ZNF410: variants seen among roughly 807,000 people sequenced by gnomAD.
ZNF410 encodes the protein zinc finger protein 410.
A neutral mutation model predicts 54.8 loss-of-function variants in ZNF410; 18 were observed. The observed-to-expected ratio is 0.33, with a 90% CI of 0.23 to 0.49. ZNF410 has a LOEUF of 0.49. Ranked by LOEUF, ZNF410 falls within the 20% of genes least tolerant of loss-of-function variation. ZNF410 has a pLI of 0.99. For missense variants in ZNF410, 405 were observed against 569.6 expected (o/e 0.71, Z 2.94); for synonymous variants, 191 against 207.3 (o/e 0.92, Z 0.68).
intron 7 of ZNF410, 143 bp from the exon 8 acceptor site, chr14:73,909,194 CTAGG>C: frequency 3.1e-6 from 2 of 650,704 alleles, no homozygotes; most frequent in Non-Finnish European, 5.2e-6. Context: ...GCAACACTTG[CTAGG>C]TAGCCCAGTT....
chr14:73,892,303 G>T, intron 2 of ZNF410, 95 bp downstream of exon 2: 2 of 1,181,860 alleles, frequency 1.7e-6, no homozygotes, highest in South Asian at 1.4e-5. Context: ...TCTTTAATGG[G>T]CCAGATAATA....
At chr14:73,917,560 T>G (rs1164600108) in intron 8 of ZNF410, among the ~76,000 whole-genome samples, 1 of 152,194 alleles carries the variant, frequency 6.6e-6, no homozygotes, top group African/African-American at 2.4e-5. Flanking sequence ...TGGTGACTCA[T>G]GCCTGTAATC....
intron 2 of ZNF410, chr14:73,893,398 A>G (rs1324993187): frequency 6.3e-6 from 1 of 159,492 alleles, no homozygotes; most frequent in Non-Finnish European, 1.4e-5. Context: ...TCTAGGCTGT[A>G]TGGTATACCT....
rs781762161 is a variant in ZNF410, at chr14:73,904,122, C to T, written c.731+12C>T. 2.7e-5 allele frequency: 43 copies of T among 1,610,394 alleles called. No homozygotes were observed. The highest frequency in any genetic ancestry group is 1.1e-4 in the African/African-American group (8 of 74,810). On this transcript the variant is annotated intron_variant, in intron 6 of 11. Coordinates refer to ENST00000555044, the MANE Select transcript of ZNF410 (RefSeq NM_021188.3). ...CTCAAGACTCATCGGTGAGCAAATC[C>T]GAGATCTCATATTTGGATATACGTT...
At chr14:73,906,668 C>T (rs537416427) in intron 7 of ZNF410, among the ~76,000 whole-genome samples, 2 of 151,432 alleles carry the variant, frequency 1.3e-5, no homozygotes, top group Admixed American at 6.6e-5. Flanking sequence ...TTGTAGAGAC[C>T]GGGTTTTGCC....
intron 5 of ZNF410, among the ~76,000 whole-genome samples, chr14:73,900,335 A>T (rs1222292963): frequency 6.6e-6 from 1 of 151,456 alleles, no homozygotes; most frequent in African/African-American, 2.4e-5. Context: ...ATAGGTTGCT[A>T]TTTGGAAGCT....
chr14:73,931,394 AC>A, intron 11 of ZNF410, 108 bp from the exon 12 acceptor site: 1 of 894,644 alleles, frequency 1.1e-6, no homozygotes, highest in Non-Finnish European at 1.7e-6. Flanking sequence ...GCCTTCATTC[AC>A]CCCTGTAGTG....
At chr14:73,898,856 G>A (rs1274089011) in intron 5 of ZNF410, among the ~76,000 whole-genome samples, 4 of 152,210 alleles carry the variant, frequency 2.6e-5, no homozygotes, top group African/African-American at 9.7e-5. Context: ...ATTGTCACTG[G>A]ATCATTGACG....
intron 2 of ZNF410, chr14:73,893,143 GAA>G (rs2055257934): frequency 6.6e-6 from 1 of 152,116 alleles, no homozygotes; most frequent in Non-Finnish European, 1.5e-5. Context: ...CCAGTACACA[GAA>G]AAGTGTTTTG....
chr14:73,893,669 T>G, intron 2 of ZNF410, 128 bp from the exon 3 acceptor site: 3 of 997,496 alleles, frequency 3.0e-6, no homozygotes, highest in Non-Finnish European at 4.2e-6. Flanking sequence ...AGATATTATG[T>G]TGTTTAGTTT....
intron 8 of ZNF410, 52 bp from the exon 9 acceptor site, chr14:73,920,928 C>A: frequency 6.2e-7 from 1 of 1,608,208 alleles, no homozygotes; most frequent in Non-Finnish European, 8.5e-7. Context: ...GTCTTGAGTT[C>A]ATTCTCTTCC....
intron 11 of ZNF410, among the ~76,000 whole-genome samples, chr14:73,925,047 T>C (rs897239883): frequency 4.6e-5 from 7 of 152,250 alleles, no homozygotes. Flanking sequence ...GCATCCTATA[T>C]TGAATATTCT....
intron 3 of ZNF410, 96 bp downstream of exon 3, chr14:73,894,028 A>C: frequency 7.0e-7 from 1 of 1,435,110 alleles, no homozygotes; most frequent in Non-Finnish European, 9.3e-7. Flanking sequence ...TTAATAACTG[A>C]CTGGTGGAAA....
rs759372618 is a variant in ZNF410 at position 73,922,081 on chromosome 14, G to T, written c.1145G>T (p.Gly382Val). 6.2e-7 allele frequency: 1 copy of T among 1,614,100 alleles called. No homozygotes were observed. The highest frequency in any genetic ancestry group is 1.7e-5 in the Admixed American group (1 of 60,016). ...CTCTGTGCAGCTGAGCCACTAATGG[G>T]CAGTAGTTTGCTTGAAGAGGCTTCA... Reference protein sequence around the residue: ...EQEQTAEPLMGSSLLEEASVP... With the variant: ...EQEQTAEPLMVSSLLEEASVP... Residue 382 changes from glycine to valine, a missense_variant, in exon 10 of 12, where the codon GGC becomes GTC. Physicochemically the swap from Gly to Val is moderately radical, Grantham distance 109. Coordinates refer to ENST00000555044, the MANE Select transcript of ZNF410 (RefSeq NM_021188.3).
At chr14:73,908,990 T>G (rs982674162) in intron 7 of ZNF410, among the ~76,000 whole-genome samples, 42 of 152,150 alleles carry the variant, frequency 2.8e-4, no homozygotes, top group African/African-American at 9.7e-4. Flanking sequence ...TAAAGAAAAT[T>G]GATGTAAGGT....
intron 11 of ZNF410, among the ~76,000 whole-genome samples, chr14:73,925,908 C>T (rs866250991): frequency 1.3e-5 from 2 of 152,098 alleles, no homozygotes; most frequent in Non-Finnish European, 2.9e-5. Flanking sequence ...GTGGCATGTG[C>T]CTGTGGTCCC....
In ZNF410 at chr14:73,904,951, T is replaced by C. The variant is rs746846000; in HGVS notation, c.781T>C (p.Tyr261His). 1.9e-6 allele frequency: 3 copies of C among 1,614,112 alleles called. No homozygotes were observed. The highest frequency in any genetic ancestry group is 2.5e-6 in the Non-Finnish European group (3 of 1,180,054). ...TGCAGAAGGTTGTGGGAAAAGCTTC[T>C]ATGTGCTGCAGAGGCTGAAGGTGCA... is the stretch of plus-strand genomic sequence containing the variant. ...CPAEGCGKSFYVLQRLKVHMR... is the reference protein window; with the variant it reads ...CPAEGCGKSFHVLQRLKVHMR... Residue 261 changes from tyrosine (Y) to histidine (H), a missense_variant, in exon 7 of 12, where the codon TAT (tyrosine) becomes CAT (histidine). Transcript: ENST00000555044.
intron 3 of ZNF410, 40 bp from the exon 4 acceptor site, chr14:73,896,276 A>G (rs991614505): frequency 3.1e-5 from 47 of 1,522,814 alleles, no homozygotes; most frequent in Non-Finnish European, 4.3e-5. Context: ...GCTCCTAGAG[A>G]TAGGTGCTAC....
At position 73,908,832 on chromosome 14, in the gene ZNF410, T is replaced by TTTGG. The variant is rs1555353604; in HGVS notation, c.914-507_914-506insGGTT. On this transcript the variant is annotated intron_variant, in intron 7 of 11. Coordinates refer to ENST00000555044, the MANE Select transcript of ZNF410 (RefSeq NM_021188.3). Reference sequence around the variant, plus strand: ...CCTTGGAGGATAGAGACTGCATCTTTTTTGTTTGTTTGTTTTTTTGTTTGA... The same window carrying TTTGG: ...CCTTGGAGGATAGAGACTGCATCTTTTTGGTTTGTTTGTTTGTTTTTTTGTTTGA... 7.9e-5 allele frequency among the ~76,000 whole-genome samples: 12 copies of TTTGG among 151,284 alleles called. No homozygotes were observed. In the East Asian group the frequency reaches 2.3e-3, roughly 30 times the overall value.
Sources: gnomAD v4.1 joint callset for allele counts (sites outside exome capture counted in the v4.1 genomes callset) on GRCh38, gnomAD v4.1.1 for gene constraint, MANE v1.5 for transcripts, NCBI Gene and HGNC (gene_info 2026-07-23, HGNC 2026-07-21) for gene names.